CYP7B1: variants seen among roughly 807,000 people sequenced by gnomAD.
CYP7B1 encodes the protein cytochrome P450 7B1.
Under a neutral mutation model 42.7 loss-of-function variants are expected in CYP7B1, and 29 were observed. That is an observed-to-expected ratio of 0.68 (90% CI 0.51 to 0.93). CYP7B1 has a LOEUF of 0.93. Ranked by LOEUF, CYP7B1 falls within the 40% of genes least tolerant of loss-of-function variation. CYP7B1 has a pLI of 0.00. For synonymous variants in CYP7B1, 235 were observed against 218.2 expected (o/e 1.08, Z -0.68); for missense variants, 655 against 600.5 (o/e 1.09, Z -0.95).
chr8:64,674,552 G>C (rs1450801383), intron 1 of CYP7B1, among the ~76,000 whole-genome samples: 1 of 152,112 alleles, frequency 6.6e-6, no homozygotes, highest in Non-Finnish European at 1.5e-5. Context: ...ATAAGGGGTA[G>C]CATTGATGCT....
rs145899923 is a variant in CYP7B1 at position 64,698,397 on chromosome 8, A to T, written c.123-73858T>A. 2.1e-3 allele frequency among the ~76,000 whole-genome samples: 315 copies of T among 152,214 alleles called. 4 individuals carry two copies. Among genetic ancestry groups the T allele is most frequent in the Admixed American group, 0.017 (258 of 15,280 alleles). On this transcript the variant is annotated intron_variant, in intron 1 of 5. Coordinates refer to ENST00000310193, the MANE Select transcript of CYP7B1 (RefSeq NM_004820.5). Reference sequence around the variant, plus strand: ...TCTTTCCCCTCACTAGAAAACCCAAAACCACTGGTCAGTAGTGCTGATGGC... The same window carrying T: ...TCTTTCCCCTCACTAGAAAACCCAATACCACTGGTCAGTAGTGCTGATGGC...
At chr8:64,614,958 C>T (rs1356823495) in intron 4 of CYP7B1, 68 bp downstream of exon 4, 22 of 1,491,872 alleles carry the variant, frequency 1.5e-5, no homozygotes, top group Non-Finnish European at 2.1e-5. Flanking sequence ...TGGTAAACAG[C>T]TATGAGTGAT....
chr8:64,749,889 A>G (rs1448255071), intron 1 of CYP7B1, among the ~76,000 whole-genome samples: 1 of 152,196 alleles, frequency 6.6e-6, no homozygotes, highest in Non-Finnish European at 1.5e-5. Flanking sequence ...CGGGAGTTGG[A>G]AATCCTCCAC....
chr8:64,686,062 G>GC (rs1311911585), intron 1 of CYP7B1, among the ~76,000 whole-genome samples: 3 of 124,122 alleles, frequency 2.4e-5, no homozygotes, highest in East Asian at 2.5e-4. Context: ...GGGGGGGTCA[G>GC]CCCCCCCACC....
intron 1 of CYP7B1, among the ~76,000 whole-genome samples, chr8:64,715,399 A>G (rs1410005529): frequency 6.6e-6 from 1 of 152,170 alleles, no homozygotes; most frequent in African/African-American, 2.4e-5. Context: ...TGAACAGTTT[A>G]TATAAATTAG....
chr8:64,670,490 G>C (rs1361086686), intron 1 of CYP7B1, among the ~76,000 whole-genome samples: 1 of 152,118 alleles, frequency 6.6e-6, no homozygotes, highest in African/African-American at 2.4e-5. Flanking sequence ...ATTACAGTCA[G>C]TAAAATATAA....
chr8:64,615,652 G>A (rs370959808), intron 3 of CYP7B1, 39 bp downstream of exon 3: 89 of 1,584,334 alleles, frequency 5.6e-5, no homozygotes, highest in Non-Finnish European at 7.7e-5. Flanking sequence ...TATTGTAAAT[G>A]ATTTTATTTT....
chr8:64,714,683 C>A (rs1262024061), intron 1 of CYP7B1, among the ~76,000 whole-genome samples: 1 of 152,194 alleles, frequency 6.6e-6, no homozygotes, highest in East Asian at 1.9e-4. Context: ...CTGGACACGA[C>A]AACATCCCAT....
intron 1 of CYP7B1, among the ~76,000 whole-genome samples, chr8:64,676,400 G>C (rs920857125): frequency 3.5e-4 from 53 of 152,040 alleles, no homozygotes; most frequent in Non-Finnish European, 1.0e-4. Context: ...TAGAATATAT[G>C]GACTAAATGG....
At chr8:64,712,307 G>A (rs919202290) in intron 1 of CYP7B1, among the ~76,000 whole-genome samples, 6 of 151,072 alleles carry the variant, frequency 4.0e-5, no homozygotes, top group African/African-American at 1.5e-4. Flanking sequence ...ACACTTTACT[G>A]GAACTGGCCA....
chr8:64,791,516 C>G (rs539215227), intron 1 of CYP7B1, among the ~76,000 whole-genome samples: 1 of 152,188 alleles, frequency 6.6e-6, no homozygotes, highest in East Asian at 1.9e-4. Flanking sequence ...TGCCATGTTG[C>G]TGGTTTTGAA....
At chr8:64,631,834 ATCAGGGAAATGCAAATTAAATTC>A (rs1389660757) in intron 1 of CYP7B1, among the ~76,000 whole-genome samples, 1 of 152,206 alleles carries the variant, frequency 6.6e-6, no homozygotes, top group Non-Finnish European at 1.5e-5. Flanking sequence ...GTCACTAATG[ATCAGGGAAATGCAAATTAAATTC>A]ACAATGAGAT....
At chr8:64,756,815 G>A (rs1215047528) in intron 1 of CYP7B1, among the ~76,000 whole-genome samples, 1 of 152,162 alleles carries the variant, frequency 6.6e-6, no homozygotes, top group Non-Finnish European at 1.5e-5. Flanking sequence ...TAATCTTTAT[G>A]TTTCTGATCG....
At position 64,769,248 on chromosome 8, in the gene CYP7B1, A is replaced by G. The variant is rs551939244; in HGVS notation, c.122+29218T>C. 4.7e-4 allele frequency among the ~76,000 whole-genome samples: 71 copies of G among 152,332 alleles called. 1 individual carries two copies. Among genetic ancestry groups the G allele is most frequent in the African/African-American group, 1.7e-3 (69 of 41,586 alleles). ...AACGGGATGGCACCATGCCTTGATG[A>G]AAACATCATAACAAACACAAATATT... On this transcript the variant is annotated intron_variant, in intron 1 of 5. Transcript: ENST00000310193.
intron 1 of CYP7B1, among the ~76,000 whole-genome samples, chr8:64,708,347 C>T (rs759256235): frequency 2.6e-5 from 4 of 152,182 alleles, no homozygotes; most frequent in African/African-American, 7.2e-5. Flanking sequence ...CTCAGCACGA[C>T]ATCTTTATCA....
At chr8:64,620,230 T>G (rs887213140) in intron 2 of CYP7B1, among the ~76,000 whole-genome samples, 2 of 152,276 alleles carry the variant, frequency 1.3e-5, no homozygotes. Context: ...TTTTCATAAT[T>G]AGAAGCTTTT....
intron 1 of CYP7B1, among the ~76,000 whole-genome samples, chr8:64,735,573 T>G (rs1223520912): frequency 1.3e-5 from 2 of 152,216 alleles, no homozygotes; most frequent in African/African-American, 4.8e-5. Context: ...TCAAAACCCC[T>G]TCCTTGAGAT....
At chr8:64,719,205 A>G (rs1807201987) in intron 1 of CYP7B1, among the ~76,000 whole-genome samples, 1 of 152,154 alleles carries the variant, frequency 6.6e-6, no homozygotes, top group South Asian at 2.1e-4. Flanking sequence ...CTAAAACCAT[A>G]AGGTCTCTTT....
At position 64,604,873 on chromosome 8, in the gene CYP7B1, A is replaced by G. The variant is rs755058029; in HGVS notation, c.1058-16T>C. Reference sequence around the variant, plus strand: ...ATGCTGCTTTCTGAAGGAAAAAAACAAACGATAGCTTATTAAGATAGGGCT... The same window carrying G: ...ATGCTGCTTTCTGAAGGAAAAAAACGAACGATAGCTTATTAAGATAGGGCT... On this transcript the variant is annotated splice_polypyrimidine_tract_variant and intron_variant, in intron 4 of 5. Coordinates refer to ENST00000310193, the MANE Select transcript of CYP7B1 (RefSeq NM_004820.5). The G allele has an allele frequency of 1.2e-6, 2 of 1,612,138 alleles. No homozygotes were observed. Among genetic ancestry groups the G allele is most frequent in the Non-Finnish European group, 1.7e-6 (2 of 1,179,584 alleles).
Sources: gnomAD v4.1 joint callset for allele counts (sites outside exome capture counted in the v4.1 genomes callset) on GRCh38, gnomAD v4.1.1 for gene constraint, MANE v1.5 for transcripts, NCBI Gene and HGNC (gene_info 2026-07-23, HGNC 2026-07-21) for gene names.